Variants in SPAST observed in about 807,000 individuals in gnomAD.
SPAST encodes spastin.
In SPAST, 30 loss-of-function variants were observed where a neutral mutation model predicts 76.6. The observed-to-expected ratio is 0.39, with a 90% CI of 0.29 to 0.53. The LOEUF is 0.53. Ranked by LOEUF, SPAST falls within the 20% of genes least tolerant of loss-of-function variation. The pLI is 0.68. For synonymous variants in SPAST, 305 were observed against 281.0 expected, an observed-to-expected ratio of 1.09 and a Z score of -0.86; for missense variants, 717 against 770.5, an observed-to-expected ratio of 0.93 and a Z score of 0.82.
At position 32,154,527 on chromosome 2, in the gene SPAST, TTAC is replaced by T. The variant is rs1680190879; in HGVS notation, c.*33_*35del. On this transcript the variant is annotated 3_prime_UTR_variant, in exon 17 of 17. Coordinates refer to ENST00000315285, the MANE Select transcript of SPAST (RefSeq NM_014946.4). ...TACCTTTGTAAACCTGCAGAACATT[TTAC>T]TTAAAAGAGGAAACACAAGATCTTC... 6 of 1,610,848 alleles carry T rather than the reference TTAC, an allele frequency of 3.7e-6. No individual in the cohort carries two copies. The highest frequency in any genetic ancestry group is 5.1e-6 in the Non-Finnish European group (6 of 1,177,384).
Position 32,145,017 on chromosome 2 carries a change from C to G in SPAST, c.1687+10C>G, listed in dbSNP as rs2148760943. 6.3e-7 allele frequency: 1 copy of G among 1,599,928 alleles called. No individual in the cohort carries two copies. The highest frequency in any genetic ancestry group is 1.1e-5 in the South Asian group (1 of 90,240). ...CTGGGTCCTATCCGAGGTAGGTATA[C>G]AAGAGCTTAAAACATTTAGAACTAT... is the stretch of plus-strand genomic sequence containing the variant. On this transcript the variant is annotated intron_variant, in intron 15 of 16. Transcript: ENST00000315285.
chr2:32,111,577 A>G (rs1473446049), intron 4 of SPAST, among the ~76,000 whole-genome samples: 2 of 151,254 alleles, frequency 1.3e-5, no homozygotes, highest in Non-Finnish European at 3.0e-5. Context: ...TATATTAATG[A>G]TATTTTTTCC....
At position 32,136,605 on chromosome 2, in the gene SPAST, G is replaced by A; in HGVS notation, c.1288G>A (p.Ala430Thr). ...EKLVRALFAVARELQPSIIFI... is the reference protein window; with the variant it reads ...EKLVRALFAVTRELQPSIIFI... ...ATTGGTGAGGGCTCTTTTTGCTGTGGCTCGAGAACTTCAACCTTCTATAAT... is the reference window on the plus strand; with the variant it reads ...ATTGGTGAGGGCTCTTTTTGCTGTGACTCGAGAACTTCAACCTTCTATAAT... The change falls in exon 10 of 17, where the codon GCT becomes ACT. Residue 430 changes from alanine (A) to threonine (T), a missense_variant. This residue lies in a region of SPAST where 78 missense variants were observed against 197.6 expected (regional missense o/e 0.39). Transcript: ENST00000315285. The A allele has an allele frequency of 6.2e-7, 1 of 1,613,674 alleles. No individual in the cohort carries two copies. Among genetic ancestry groups the A allele is most frequent in the Non-Finnish European group, 8.5e-7 (1 of 1,179,696 alleles).
chr2:32,136,228 A>T (rs1208194720), intron 9 of SPAST, among the ~76,000 whole-genome samples: 1 of 152,228 alleles, frequency 6.6e-6, no homozygotes, highest in Non-Finnish European at 1.5e-5. Flanking sequence ...GGCTTAAAGA[A>T]TATGTACAAT....
intron 1 of SPAST, among the ~76,000 whole-genome samples, chr2:32,068,040 G>A (rs1355231167): frequency 1.3e-5 from 2 of 149,492 alleles, no homozygotes; most frequent in African/African-American, 2.5e-5. Flanking sequence ...GTGCAGTGGC[G>A]CGATCTCGGC....
In SPAST at chr2:32,093,971, A is replaced by G. The variant is rs138191160; in HGVS notation, c.586+4366A>G. ...ATATGGATGGTCTTTTCCCATTTTTAACAGAGAGGCTACATCCTCTCAAAC... is the reference window on the plus strand; with the variant it reads ...ATATGGATGGTCTTTTCCCATTTTTGACAGAGAGGCTACATCCTCTCAAAC... On this transcript the variant is annotated intron_variant, in intron 3 of 16. Coordinates refer to ENST00000315285, the MANE Select transcript of SPAST (RefSeq NM_014946.4). Among the ~76,000 whole-genome samples the G allele has an allele frequency of 7.1e-3, 1,077 of 152,282 alleles. 14 individuals are homozygous for G. Among genetic ancestry groups the G allele is most frequent in the African/African-American group, 0.024 (1,012 of 41,542 alleles).
At chr2:32,079,872 A>G (rs961421272) in intron 1 of SPAST, among the ~76,000 whole-genome samples, 2 of 152,168 alleles carry the variant, frequency 1.3e-5, no homozygotes, top group Non-Finnish European at 2.9e-5. Flanking sequence ...GTTTCCATCT[A>G]TTGTGAATAA....
At chr2:32,143,856 A>G (rs1679801960) in intron 14 of SPAST, among the ~76,000 whole-genome samples, 1 of 152,182 alleles carries the variant, frequency 6.6e-6, no homozygotes, top group Non-Finnish European at 1.5e-5. Context: ...CAACAGAGTG[A>G]GACCCTGTCT....
intron 12 of SPAST, among the ~76,000 whole-genome samples, chr2:32,137,647 A>G (rs1679581710): frequency 6.6e-6 from 1 of 152,192 alleles, no homozygotes. Context: ...CATTGTTTCT[A>G]GATTGGCTGT....
intron 16 of SPAST, among the ~76,000 whole-genome samples, chr2:32,152,710 T>G (rs989871965): frequency 1.3e-5 from 2 of 151,800 alleles, no homozygotes; most frequent in Non-Finnish European, 2.9e-5. Context: ...GTTCATATAG[T>G]GCTTATGGGG....
chr2:32,132,010 C>G (rs1342842149), intron 9 of SPAST, among the ~76,000 whole-genome samples: 1 of 152,180 alleles, frequency 6.6e-6, no homozygotes, highest in Non-Finnish European at 1.5e-5. Context: ...ACTGTTTCAT[C>G]TTCATGTTTT....
intron 7 of SPAST, among the ~76,000 whole-genome samples, chr2:32,124,840 A>G (rs1679139687): frequency 6.6e-6 from 1 of 152,226 alleles, no homozygotes; most frequent in African/African-American, 2.4e-5. Context: ...TGGAAAAGGC[A>G]AAACTATGGA....
At chr2:32,112,156 T>G (rs1174087681) in intron 4 of SPAST, among the ~76,000 whole-genome samples, 2 of 151,412 alleles carry the variant, frequency 1.3e-5, no homozygotes, top group Non-Finnish European at 2.9e-5. Context: ...TTTCACCATG[T>G]TGGCCAGGCT....
chr2:32,152,053 T>G (rs1680102012), intron 16 of SPAST, among the ~76,000 whole-genome samples: 1 of 152,220 alleles, frequency 6.6e-6, no homozygotes, highest in Non-Finnish European at 1.5e-5. Context: ...ATACTTTGTT[T>G]TTTAAGTACC....
At position 32,087,489 on chromosome 2, in the gene SPAST, A is replaced by T. The variant is rs755643215; in HGVS notation, c.416-3A>T. On this transcript the variant is annotated splice_polypyrimidine_tract_variant and splice_region_variant and intron_variant, in intron 1 of 16. Transcript: ENST00000315285. ...TCTATACAAATAATTTTTTATTTTA[A>T]AGCAGGACAGAAGGAGCAAGCTGTG... 3 of 1,586,180 alleles carry T rather than the reference A, an allele frequency of 1.9e-6. No homozygotes were observed. The highest frequency in any genetic ancestry group is 2.7e-5 in the African/African-American group (2 of 74,284).
At chr2:32,126,645 A>C (rs1373319058) in intron 7 of SPAST, 1 of 188,486 alleles carries the variant, frequency 5.3e-6, no homozygotes, top group Non-Finnish European at 1.1e-5. Context: ...CACCCAGCTA[A>C]TTTTTTTTTT....
At chr2:32,142,283 C>T (rs116219972) in intron 13 of SPAST, among the ~76,000 whole-genome samples, 1,907 of 152,272 alleles carry the variant, frequency 0.013, 25 homozygotes, top group African/African-American at 0.025. Flanking sequence ...ATCCATTATA[C>T]ATGCTGCATA....
At chr2:32,084,069 C>T (rs1029232603) in intron 1 of SPAST, among the ~76,000 whole-genome samples, 3 of 151,548 alleles carry the variant, frequency 2.0e-5, no homozygotes, top group East Asian at 3.9e-4. Context: ...CATGACCCAC[C>T]GTGCCCAGCT....
At chr2:32,152,249 T>G (rs995301789) in intron 16 of SPAST, among the ~76,000 whole-genome samples, 5 of 152,154 alleles carry the variant, frequency 3.3e-5, no homozygotes, top group African/African-American at 1.2e-4. Flanking sequence ...AGACTTAAAG[T>G]ACAATTACAT....
Sources: allele counts gnomAD v4.1 joint callset (sites outside exome capture counted in the v4.1 genomes callset), GRCh38; gene constraint gnomAD v4.1.1; regional missense constraint gnomAD v4.1.1; transcripts MANE v1.5; gene names NCBI Gene and HGNC (gene_info 2026-07-23, HGNC 2026-07-21).